The following TPCN1 variants were observed in gnomAD, a reference collection of about 807,000 sequenced individuals.
TPCN1 encodes the protein two pore segment channel 1.
TPCN1 carries 52 observed loss-of-function variants against 108.8 expected under a neutral mutation model. The ratio of observed to expected loss-of-function variants is 0.48; its 90% CI spans 0.38 to 0.60. TPCN1 has a LOEUF of 0.60. TPCN1 is among the 20% of genes least tolerant of loss of function. The probability of loss-of-function intolerance (pLI) is 0.00; values close to 1 mark genes in which losing one functional copy is unlikely to be tolerated. For synonymous variants in TPCN1, 446 were observed against 433.7 expected, an observed-to-expected ratio of 1.03 and a Z score of -0.35; for missense variants, 806 against 1,072.8, an observed-to-expected ratio of 0.75 and a Z score of 3.47.
At chr12:113,251,670 C>T (rs1954641684) in intron 2 of TPCN1, among the ~76,000 whole-genome samples, 1 of 152,242 alleles carries the variant, frequency 6.6e-6, no homozygotes, top group Admixed American at 6.5e-5. Flanking sequence ...GCCCAGGCCA[C>T]AGCCCTCCTG....
chr12:113,273,614 C>T lies in TPCN1; in HGVS notation c.888C>T (p.Ser296=), dbSNP rs756119535. ...MMPSYSRNPW[S]CVFFIVYLSI... is the part of the protein sequence containing the mutation. ...CCTCCTACTCCCGGAACCCCTGGTC[C>T]TGCGTCTTCTTCATCGTGTACCTCT... Residue 296 remains serine (S), a synonymous_variant, in exon 10 of 28, where the codon TCC becomes TCT. Transcript: ENST00000335509. The surrounding 1 kb of genome is among the most constrained non-coding windows in gnomAD (Gnocchi z 4.0). 1.9e-6 allele frequency: 3 copies of T among 1,614,096 alleles called. No homozygotes were observed. The highest frequency in any genetic ancestry group is 2.2e-5 in the South Asian group (2 of 91,090).
At chr12:113,287,192 T>C in intron 19 of TPCN1, 98 bp downstream of exon 19, 1 of 1,008,324 alleles carries the variant, frequency 9.9e-7, no homozygotes, top group Admixed American at 1.9e-5. Context: ...AGCCAGAAGG[T>C]TCACAAGCCA....
chr12:113,238,006 G>A (rs1953958880), intron 2 of TPCN1, among the ~76,000 whole-genome samples: 1 of 152,164 alleles, frequency 6.6e-6, no homozygotes, highest in African/African-American at 2.4e-5. Context: ...CTTTGTTCCA[G>A]TGCACTGACA....
Position 113,264,022 on chromosome 12 carries a change from C to T in TPCN1, c.238-2158C>T, listed in dbSNP as rs146965025. On this transcript the variant is annotated intron_variant, in intron 3 of 27. Coordinates refer to ENST00000335509, the MANE Select transcript of TPCN1 (RefSeq NM_017901.6). The stretch of plus-strand genomic sequence containing the variant: ...AGCCCCATGTCAGTGGTTCTTCTAG[C>T]GAGACCTTCATTCCTGGTTATTTGT... Among the ~76,000 whole-genome samples the T allele has an allele frequency of 2.3e-3, 344 of 152,236 alleles. 1 individual carries two copies. Among genetic ancestry groups the T allele is most frequent in the East Asian group, 8.7e-3 (45 of 5,184 alleles).
At chr12:113,238,073 G>C (rs891998180) in intron 2 of TPCN1, among the ~76,000 whole-genome samples, 3 of 152,272 alleles carry the variant, frequency 2.0e-5, no homozygotes, top group East Asian at 3.9e-4. Flanking sequence ...CTGTTCAGAT[G>C]GCAGCCTACC....
chr12:113,284,832 A>C lies in TPCN1; in HGVS notation c.1453+61A>C. 6.4e-7 allele frequency: 1 copy of C among 1,565,570 alleles called. No individual in the cohort carries two copies. Among genetic ancestry groups the C allele is most frequent in the Middle Eastern group, 1.7e-4 (1 of 5,990 alleles). On this transcript the variant is annotated intron_variant, in intron 17 of 27. Transcript: ENST00000335509. This position sits in a 1 kb window ranked among gnomAD's most constrained non-coding sequence, Gnocchi z 4.1. ...TTTAAAATTGTCTGGGAGAACTTTC[A>C]TTCAGTGTAGAACCTCATGGTTCTT... is the stretch of plus-strand genomic sequence containing the variant.
intron 4 of TPCN1, among the ~76,000 whole-genome samples, 171 bp from the exon 5 acceptor site, chr12:113,267,672 A>T (rs531621241): frequency 1.3e-5 from 2 of 152,162 alleles, no homozygotes. Flanking sequence ...GTTCTGGGGA[A>T]AGCTCCGTGA....
chr12:113,294,620 C>CT (rs544062447), intron 27 of TPCN1, among the ~76,000 whole-genome samples: 180 of 141,146 alleles, frequency 1.3e-3, no homozygotes, highest in Non-Finnish European at 2.3e-3. Flanking sequence ...GAGCTAGACT[C>CT]TGTCTCAAAA....
intron 2 of TPCN1, among the ~76,000 whole-genome samples, chr12:113,230,327 C>CA (rs78223380): frequency 0.06 from 7,469 of 123,662 alleles, 280 homozygotes; most frequent in Middle Eastern, 0.15. Flanking sequence ...ATCACTCTGT[C>CA]ACCCAGGCTG....
chr12:113,224,371 A>G (rs997303587), intron 1 of TPCN1, among the ~76,000 whole-genome samples: 4 of 152,230 alleles, frequency 2.6e-5, no homozygotes, highest in African/African-American at 9.6e-5. Flanking sequence ...CCTCATACAT[A>G]GTACGCACTC....
chr12:113,230,152 CAG>C (rs1428953633), intron 2 of TPCN1, among the ~76,000 whole-genome samples: 1 of 152,122 alleles, frequency 6.6e-6, no homozygotes, highest in East Asian at 1.9e-4. Context: ...CCCTTCCTGA[CAG>C]AGCTAATTAC....
intron 2 of TPCN1, 108 bp downstream of exon 2, chr12:113,227,072 G>A: frequency 1.1e-6 from 1 of 916,062 alleles, no homozygotes; most frequent in South Asian, 1.8e-5. Flanking sequence ...TTGTTGCCTG[G>A]CCCCACATTT....
At chr12:113,293,388 A>G (rs1057016102) in intron 27 of TPCN1, 39 bp downstream of exon 27, 24 of 1,592,248 alleles carry the variant, frequency 1.5e-5, no homozygotes, top group Admixed American at 3.3e-5. Context: ...TCCTCCCCCA[A>G]GCTATGTCCT....
chr12:113,266,320 G>A lies in TPCN1; in HGVS notation c.378G>A (p.Glu126=), dbSNP rs71465893. The change falls in exon 4 of 28, where the codon GAG becomes GAA. Residue 126 remains glutamate, a synonymous_variant. Transcript: ENST00000335509. This position sits in a 1 kb window ranked among gnomAD's most constrained non-coding sequence, Gnocchi z 4.2. ...ALLLLLLSLC[E]APAVPALRLG... ...TGCTGCTGCTGCTCTCCCTGTGCGA[G>A]GCCCCCGCCGTCCCCGCACTCCGGC... The A allele has an allele frequency of 6.2e-7, 1 of 1,610,986 alleles. No homozygotes were observed. Among genetic ancestry groups the A allele is most frequent in the Non-Finnish European group, 8.5e-7 (1 of 1,180,012 alleles).
intron 2 of TPCN1, among the ~76,000 whole-genome samples, chr12:113,241,450 G>C (rs924321893): frequency 6.6e-6 from 1 of 152,248 alleles, no homozygotes; most frequent in Non-Finnish European, 1.5e-5. Context: ...TTAAGGACTA[G>C]AGCGGACTTT....
chr12:113,228,391 G>A (rs1037816428), intron 2 of TPCN1, among the ~76,000 whole-genome samples: 5 of 152,228 alleles, frequency 3.3e-5, no homozygotes, highest in African/African-American at 2.4e-5. Flanking sequence ...AAGATCACTT[G>A]AGCCCAGTGA....
Position 113,232,481 on chromosome 12 carries a change from G to A in TPCN1, c.112+5517G>A, listed in dbSNP as rs530218515. ...CTGGCACCAGAGAAGAATACACCCC[G>A]AGGTGTGCGCTCCATCACTGATGTC... On this transcript the variant is annotated intron_variant, in intron 2 of 27. Coordinates refer to ENST00000335509, the MANE Select transcript of TPCN1 (RefSeq NM_017901.6). The surrounding 1 kb of genome is among the most constrained non-coding windows in gnomAD (Gnocchi z 5.6). Among the ~76,000 whole-genome samples the A allele has an allele frequency of 1.3e-5, 2 of 152,370 alleles. No homozygotes were observed. Among genetic ancestry groups the A allele is most frequent in the East Asian group, 1.9e-4 (1 of 5,186 alleles).
At chr12:113,265,857 C>T (rs902304581) in intron 3 of TPCN1, among the ~76,000 whole-genome samples, 2 of 152,118 alleles carry the variant, frequency 1.3e-5, no homozygotes, top group Admixed American at 6.5e-5. Flanking sequence ...ACTCAAAGTC[C>T]TGGCTCAAGG....
intron 10 of TPCN1, among the ~76,000 whole-genome samples, chr12:113,274,259 C>A (rs1955599624): frequency 6.6e-6 from 1 of 152,092 alleles, no homozygotes; most frequent in South Asian, 2.1e-4. Flanking sequence ...TCGAGACCAG[C>A]CTGGCCAACA....
Sources: gnomAD v4.1 joint callset for allele counts (sites outside exome capture counted in the v4.1 genomes callset) on GRCh38, gnomAD v4.1.1 for gene constraint, Gnocchi (gnomAD v3.1) non-coding constraint, MANE v1.5 for transcripts, NCBI Gene and HGNC (gene_info 2026-07-23, HGNC 2026-07-21) for gene names.